INPP5D: variants seen among roughly 807,000 people sequenced by gnomAD.
INPP5D encodes phosphatidylinositol 3,4,5-trisphosphate 5-phosphatase 1.
In INPP5D, 33 loss-of-function variants were observed where a neutral mutation model predicts 122.9. That is an observed-to-expected ratio of 0.27 (90% CI 0.20 to 0.36). The LOEUF (loss-of-function observed/expected upper bound fraction) is 0.36. Ranked by LOEUF, INPP5D falls within the 10% of genes least tolerant of loss-of-function variation. The probability of loss-of-function intolerance (pLI) is 1.00; values close to 1 mark genes in which losing one functional copy is unlikely to be tolerated. For missense variants in INPP5D, 1,053 were observed against 1,412.7 expected, an observed-to-expected ratio of 0.75 and a Z score of 4.08; for synonymous variants, 584 against 576.2, an observed-to-expected ratio of 1.01 and a Z score of -0.19.
intron 4 of INPP5D, among the ~76,000 whole-genome samples, chr2:233,130,280 G>A (rs1693283054): frequency 6.6e-6 from 1 of 152,148 alleles, no homozygotes; most frequent in Non-Finnish European, 1.5e-5. Flanking sequence ...AGCTCATTGA[G>A]AGGCACCTTT....
chr2:233,169,886 A>G (rs1006530189), intron 14 of INPP5D, 140 bp from the exon 15 acceptor site: 4 of 1,491,182 alleles, frequency 2.7e-6, no homozygotes, highest in African/African-American at 2.8e-5. Flanking sequence ...GTTCTGCTGC[A>G]GCAGGGCTGG....
At chr2:233,192,260 A>G (rs1291126097) in intron 22 of INPP5D, among the ~76,000 whole-genome samples, 10 of 152,224 alleles carry the variant, frequency 6.6e-5, no homozygotes, top group African/African-American at 2.4e-4. Context: ...TTTCTCATTC[A>G]AATCCTGTAT....
chr2:233,170,354 C>T lies in INPP5D; in HGVS notation c.1792-142C>T, dbSNP rs1372337744. The T allele has an allele frequency of 8.7e-6, 13 of 1,489,058 alleles. No homozygotes were observed. Among genetic ancestry groups the T allele is most frequent in the African/African-American group, 2.8e-5 (2 of 71,946 alleles). 92.2% of individuals were successfully genotyped at this position (1,489,058 alleles called of 1,614,324 possible). On this transcript the variant is annotated intron_variant, in intron 15 of 26. Transcript: ENST00000445964. This position sits in a 1 kb window ranked among gnomAD's most constrained non-coding sequence, Gnocchi z 4.5. ...CTCACGGTTCCCCTGTGCTCACACC[C>T]GGTTCCCATAACTGTCACAGCCACC...
chr2:233,096,143 C>T (rs942372280), intron 2 of INPP5D, among the ~76,000 whole-genome samples: 4 of 152,130 alleles, frequency 2.6e-5, no homozygotes, highest in African/African-American at 9.7e-5. Flanking sequence ...CCAAGAAAAA[C>T]TATTACTGGG....
In INPP5D at chr2:233,152,613, T is replaced by C. The variant is rs1399551353; in HGVS notation, c.1030+5019T>C. On this transcript the variant is annotated intron_variant, in intron 9 of 26. Transcript: ENST00000445964. ...TGACAGTAATGGGGAAAAGCCTTTCTGTGGACATGCTGTGCCATTTGAACC... is the reference window on the plus strand; with the variant it reads ...TGACAGTAATGGGGAAAAGCCTTTCCGTGGACATGCTGTGCCATTTGAACC... Among the ~76,000 whole-genome samples, 4 of 152,218 alleles carry C rather than the reference T, an allele frequency of 2.6e-5. No homozygotes were observed. In the East Asian group the frequency reaches 7.7e-4, roughly 29 times the overall value.
At chr2:233,176,800 G>A (rs1694652393) in intron 17 of INPP5D, among the ~76,000 whole-genome samples, 1 of 150,732 alleles carries the variant, frequency 6.6e-6, no homozygotes, top group Non-Finnish European at 1.5e-5. Flanking sequence ...GAATAGGTGG[G>A]TAGGTGGATG....
chr2:233,155,269 AG>A (rs1694019501), intron 9 of INPP5D, among the ~76,000 whole-genome samples: 1 of 152,194 alleles, frequency 6.6e-6, no homozygotes, highest in Admixed American at 6.5e-5. Flanking sequence ...AGCTCCGAAA[AG>A]GCAAAACAAA....
Position 233,180,825 on chromosome 2 carries a change from C to A in INPP5D, c.2072-1585C>A, listed in dbSNP as rs11681114. 9.2e-3 allele frequency among the ~76,000 whole-genome samples: 1,268 copies of A among 138,268 alleles called. 80 individuals are homozygous for A. Among genetic ancestry groups the A allele is most frequent in the Middle Eastern group, 0.016 (4 of 254 alleles). The allele number at this position is 138,268 out of a possible 152,430, so 90.7% of individuals were successfully genotyped here. The stretch of plus-strand genomic sequence containing the variant: ...AAGTGCTGGGATTACATGCGCCCAC[C>A]ACCATGCCCAGCTAATTTTTGTATT... On this transcript the variant is annotated intron_variant, in intron 18 of 26. Coordinates refer to ENST00000445964, the MANE Select transcript of INPP5D (RefSeq NM_001017915.3).
intron 4 of INPP5D, among the ~76,000 whole-genome samples, chr2:233,129,901 TGTGTGTGTGTGTGTGTGA>T (rs1049373207): frequency 3.3e-5 from 5 of 151,708 alleles, no homozygotes; most frequent in Admixed American, 2.6e-4. Flanking sequence ...TGTGTGTGTG[TGTGTGTGTGTGTGTGTGA>T]GAGACAGTGT....
intron 2 of INPP5D, among the ~76,000 whole-genome samples, chr2:233,094,468 G>C (rs1692075428): frequency 8.7e-6 from 1 of 114,656 alleles, no homozygotes; most frequent in African/African-American, 3.4e-5. Flanking sequence ...AGCTGAGATT[G>C]CCCCACTGCA....
chr2:233,145,420 A>G (rs1290177411), intron 6 of INPP5D: 1 of 441,024 alleles, frequency 2.3e-6, no homozygotes, highest in Non-Finnish European at 4.6e-6. Flanking sequence ...CGGAGCCTCC[A>G]TTCAGCAGGG....
chr2:233,114,060 C>G (rs1465995397), intron 2 of INPP5D, among the ~76,000 whole-genome samples: 1 of 152,138 alleles, frequency 6.6e-6, no homozygotes, highest in Admixed American at 6.5e-5. Context: ...ACAGGCGCCA[C>G]CAACACGCCC....
intron 2 of INPP5D, among the ~76,000 whole-genome samples, chr2:233,109,729 C>A (rs1422975563): frequency 4.0e-5 from 6 of 151,452 alleles, no homozygotes; most frequent in African/African-American, 1.5e-4. Flanking sequence ...CAGGCGCCTG[C>A]CACCACGCCC....
At chr2:233,072,110 C>T (rs952576485) in intron 1 of INPP5D, among the ~76,000 whole-genome samples, 1 of 152,182 alleles carries the variant, frequency 6.6e-6, no homozygotes, top group Non-Finnish European at 1.5e-5. Context: ...CGCTATGGAC[C>T]ACCTGGGAAG....
Position 233,125,797 on chromosome 2 carries a change from T to A in INPP5D, c.402T>A (p.Thr134=), listed in dbSNP as rs762834507. The A allele has an allele frequency of 6.2e-7, 1 of 1,613,910 alleles. No individual in the cohort carries two copies. Among genetic ancestry groups the A allele is most frequent in the East Asian group, 2.2e-5 (1 of 44,868 alleles). The change falls in exon 4 of 27, where the codon ACT becomes ACA. Residue 134 remains threonine (T), a synonymous_variant. Transcript: ENST00000445964. ...PELPPRNIPL[T]ASSCEAKEVP... ...TGCCCCCAAGAAACATCCCGCTGAC[T>A]GCCAGCTCCTGTGAGGCCAAGGAGG...
chr2:233,143,381 T>C (rs1693669992), intron 6 of INPP5D, among the ~76,000 whole-genome samples: 2 of 152,198 alleles, frequency 1.3e-5, no homozygotes, highest in African/African-American at 4.8e-5. Context: ...ATTGCATTGG[T>C]GACTGCCCGG....
At chr2:233,172,751 A>C (rs1424639672) in intron 17 of INPP5D, among the ~76,000 whole-genome samples, 1 of 152,224 alleles carries the variant, frequency 6.6e-6, no homozygotes, top group Non-Finnish European at 1.5e-5. Flanking sequence ...AACCTCATGA[A>C]GTGTGTATAC....
At chr2:233,199,558 G>A (rs983683500) in intron 25 of INPP5D, among the ~76,000 whole-genome samples, 2 of 151,194 alleles carry the variant, frequency 1.3e-5, no homozygotes, top group South Asian at 2.1e-4. Flanking sequence ...GGCCAGGTGC[G>A]GTGGTTCACG....
intron 6 of INPP5D, among the ~76,000 whole-genome samples, chr2:233,142,479 G>C (rs943157871): frequency 6.6e-6 from 1 of 152,122 alleles, no homozygotes; most frequent in Non-Finnish European, 1.5e-5. Flanking sequence ...TGCGTGAGAC[G>C]TCTGACCCTG....
Sources: allele counts gnomAD v4.1 joint callset (sites outside exome capture counted in the v4.1 genomes callset), GRCh38; gene constraint gnomAD v4.1.1; non-coding constraint Gnocchi (gnomAD v3.1); transcripts MANE v1.5; gene names NCBI Gene and HGNC (gene_info 2026-07-23, HGNC 2026-07-21).